The following DAGLA variants were observed in gnomAD, a reference collection of about 807,000 sequenced individuals.
DAGLA encodes the protein diacylglycerol lipase alpha.
DAGLA carries 22 observed loss-of-function variants against 102.6 expected under a neutral mutation model. The observed-to-expected ratio is 0.21, with a 90% CI of 0.15 to 0.31. The LOEUF (loss-of-function observed/expected upper bound fraction) is 0.31. Ranked by LOEUF, DAGLA falls within the 10% of genes least tolerant of loss-of-function variation. The pLI, the probability that DAGLA is intolerant of heterozygous loss-of-function variation, is 1.00. For synonymous variants in DAGLA, 578 were observed against 628.9 expected (o/e 0.92, Z 1.21); for missense variants, 927 against 1,446.6 (o/e 0.64, Z 5.83).
At chr11:61,732,468 G>C (rs1201501756) in intron 9 of DAGLA, among the ~76,000 whole-genome samples, 2 of 152,188 alleles carry the variant, frequency 1.3e-5, no homozygotes, top group South Asian at 2.1e-4. Flanking sequence ...TGAGCACCAG[G>C]CTCCATTACT....
chr11:61,740,724 G>A, intron 18 of DAGLA, 132 bp downstream of exon 18: 1 of 1,227,480 alleles, frequency 8.1e-7, no homozygotes, highest in Non-Finnish European at 1.1e-6. Flanking sequence ...TAGGTAGCTG[G>A]GCCAGAAAGC....
At chr11:61,728,001 G>T in intron 6 of DAGLA, 152 bp from the exon 7 acceptor site, 1 of 841,728 alleles carries the variant, frequency 1.2e-6, no homozygotes, top group Admixed American at 2.2e-5. Flanking sequence ...CAGGCTCAGT[G>T]GGCGCTGTGG....
rs1344928575 is a variant in DAGLA at position 61,720,253 on chromosome 11, G to A, written c.95+3G>A. The A allele has an allele frequency of 1.9e-6, 3 of 1,613,350 alleles. No individual in the cohort carries two copies. The highest frequency in any genetic ancestry group is 1.1e-5 in the South Asian group (1 of 91,084). ...CTCTTTCTCCTGCATACCACCTGGT[G>A]AGTCCCCAGGCCCGGGGCCACAGGC... On this transcript the variant is annotated splice_donor_region_variant and intron_variant, in intron 2 of 19. Transcript: ENST00000257215.
Position 61,743,981 on chromosome 11 carries a change from C to T in DAGLA, c.2621C>T (p.Ala874Val), listed in dbSNP as rs112273466. Residue 874 changes from alanine (A) to valine (V), a missense_variant, in exon 20 of 20, where the codon GCG becomes GTG. By Grantham distance (64) the Ala-to-Val change is moderately conservative. Coordinates refer to ENST00000257215, the MANE Select transcript of DAGLA (RefSeq NM_006133.3). ...ACTCCTGAGCGGCCCCCCAGTGCTG[C>T]GGCCAATGACGAGGAGGAAGAGGTT... ...GVTPERPPSAAANDEEEEVGG... is the reference protein window; with the variant it reads ...GVTPERPPSAVANDEEEEVGG... 36 of 1,611,756 alleles carry T rather than the reference C, an allele frequency of 2.2e-5. No individual in the cohort carries two copies. The highest frequency in any genetic ancestry group is 1.5e-4 in the African/African-American group (11 of 74,902).
intron 1 of DAGLA, among the ~76,000 whole-genome samples, chr11:61,704,124 T>C (rs1591031262): frequency 6.7e-6 from 1 of 149,020 alleles, no homozygotes; most frequent in South Asian, 2.1e-4. Flanking sequence ...AGAATTTCTT[T>C]TTTTTTTTTT....
At chr11:61,693,554 G>A (rs962989986) in intron 1 of DAGLA, among the ~76,000 whole-genome samples, 2 of 151,988 alleles carry the variant, frequency 1.3e-5, no homozygotes, top group African/African-American at 4.8e-5. Flanking sequence ...TCACCATATT[G>A]GCCAGGCTGG....
In DAGLA at chr11:61,743,984, C is replaced by T. The variant is rs886676942; in HGVS notation, c.2624C>T (p.Ala875Val). The T allele has an allele frequency of 3.7e-6, 6 of 1,611,842 alleles. No homozygotes were observed. Among genetic ancestry groups the T allele is most frequent in the African/African-American group, 2.7e-5 (2 of 74,930 alleles). The change falls in exon 20 of 20, where the codon GCC (alanine) becomes GTC (valine). Residue 875 changes from alanine (A) to valine (V), a missense_variant. Ala to Val is a moderately conservative substitution (Grantham distance 64). Transcript: ENST00000257215. ...CCTGAGCGGCCCCCCAGTGCTGCGGCCAATGACGAGGAGGAAGAGGTTGGC... is the reference window on the plus strand; with the variant it reads ...CCTGAGCGGCCCCCCAGTGCTGCGGTCAATGACGAGGAGGAAGAGGTTGGC... ...VTPERPPSAA[A>V]NDEEEEVGGG...
chr11:61,709,000 G>T (rs1268443709), intron 1 of DAGLA, among the ~76,000 whole-genome samples: 1 of 152,160 alleles, frequency 6.6e-6, no homozygotes, highest in Non-Finnish European at 1.5e-5. Context: ...GTAGGCCCAG[G>T]TCTCTAAGCT....
intron 1 of DAGLA, among the ~76,000 whole-genome samples, chr11:61,714,804 G>A (rs770913581): frequency 6.6e-6 from 1 of 152,202 alleles, no homozygotes; most frequent in Admixed American, 6.5e-5. Context: ...CCTTTGTTAG[G>A]TGTGGGCTTT....
Position 61,737,740 on chromosome 11 carries a change from A to G in DAGLA, c.1568A>G (p.Lys523Arg). Residue 523 changes from lysine to arginine, a missense_variant, in exon 15 of 20, where the codon AAA (lysine) becomes AGA (arginine). By Grantham distance (26) the Lys-to-Arg change is conservative (BLOSUM62 2). Coordinates refer to ENST00000257215, the MANE Select transcript of DAGLA (RefSeq NM_006133.3). ...TTCGTGACTGCTGTGGTTCTGGGCA[A>G]AGACCTCGTCCCCAGGTGAGTCCTT... Reference protein sequence around the residue: ...KEFVTAVVLGKDLVPRIGLSQ... With the variant: ...KEFVTAVVLGRDLVPRIGLSQ... 2 of 1,614,028 alleles carry G rather than the reference A, an allele frequency of 1.2e-6. No homozygotes were observed. Among genetic ancestry groups the G allele is most frequent in the Non-Finnish European group, 1.7e-6 (2 of 1,179,956 alleles).
chr11:61,728,258 C>T lies in DAGLA; in HGVS notation c.742C>T (p.Arg248Trp), dbSNP rs779776113. The part of the protein sequence containing the change: ...AGLVLLRQRQ[R>W]AKRNAVLDEA... ...CCTGGTGCTGCTCCGGCAGCGGCAG[C>T]GGGCCAAGCGCAACGCCGTGCTGGA... The change falls in exon 7 of 20, where the codon CGG (arginine) becomes TGG (tryptophan). Residue 248 changes from arginine to tryptophan, a missense_variant. Arg to Trp is a moderately radical substitution (Grantham distance 101). Coordinates refer to ENST00000257215, the MANE Select transcript of DAGLA (RefSeq NM_006133.3). 8 of 1,613,094 alleles carry T rather than the reference C, an allele frequency of 5.0e-6. No individual in the cohort carries two copies. Among genetic ancestry groups the T allele is most frequent in the South Asian group, 3.3e-5 (3 of 91,076 alleles).
chr11:61,705,692 C>T (rs1422008670), intron 1 of DAGLA, among the ~76,000 whole-genome samples: 1 of 152,240 alleles, frequency 6.6e-6, no homozygotes, highest in African/African-American at 2.4e-5. Context: ...CGGCTTTTGT[C>T]ACCATCCACC....
At chr11:61,731,101 C>G (rs1224577761) in intron 8 of DAGLA, among the ~76,000 whole-genome samples, 1 of 152,224 alleles carries the variant, frequency 6.6e-6, no homozygotes, top group Non-Finnish European at 1.5e-5. Context: ...TCTGAGGATT[C>G]GTGTCCTGGT....
intron 1 of DAGLA, among the ~76,000 whole-genome samples, chr11:61,718,396 T>C (rs1354894571): frequency 6.6e-6 from 1 of 152,012 alleles, no homozygotes; most frequent in African/African-American, 2.4e-5. Context: ...CACCTTACCC[T>C]CTGTGAGCTA....
chr11:61,743,146 C>T (rs1334834355), intron 19 of DAGLA, among the ~76,000 whole-genome samples: 6 of 152,098 alleles, frequency 3.9e-5, no homozygotes, highest in Non-Finnish European at 2.9e-5. Flanking sequence ...AGGCGGATCA[C>T]CAGGTCAGCA....
chr11:61,730,456 C>T (rs1412013885), intron 8 of DAGLA, among the ~76,000 whole-genome samples: 1 of 152,184 alleles, frequency 6.6e-6, no homozygotes, highest in African/African-American at 2.4e-5. Flanking sequence ...AGGGATGTTT[C>T]CACCCCTCCG....
At chr11:61,732,539 C>G (rs1178608237) in intron 9 of DAGLA, among the ~76,000 whole-genome samples, 4 of 152,332 alleles carry the variant, frequency 2.6e-5, no homozygotes, top group Non-Finnish European at 5.9e-5. Context: ...CAGGTGGTAT[C>G]TGTCCTGCCT....
At chr11:61,685,948 G>C (rs1374551468) in intron 1 of DAGLA, among the ~76,000 whole-genome samples, 1 of 152,188 alleles carries the variant, frequency 6.6e-6, no homozygotes, top group Non-Finnish European at 1.5e-5. Flanking sequence ...CAGGAGCCAT[G>C]ATGGCAGGGC....
At chr11:61,736,767 A>T (rs1366824658) in intron 13 of DAGLA, among the ~76,000 whole-genome samples, 3 of 152,216 alleles carry the variant, frequency 2.0e-5, no homozygotes, top group Non-Finnish European at 4.4e-5. Flanking sequence ...AGGTGCCACC[A>T]GCTGCCCTTT....
Sources: allele counts gnomAD v4.1 joint callset (sites outside exome capture counted in the v4.1 genomes callset), GRCh38; gene constraint gnomAD v4.1.1; transcripts MANE v1.5; gene names NCBI Gene and HGNC (gene_info 2026-07-23, HGNC 2026-07-21).